Variants in DGCR2 observed in about 807,000 individuals in gnomAD.
The protein encoded by DGCR2 is integral membrane protein DGCR2/IDD.
A neutral mutation model predicts 51.6 loss-of-function variants in DGCR2; 24 were observed. That is an observed-to-expected ratio of 0.47 (90% CI 0.34 to 0.65). The LOEUF (loss-of-function observed/expected upper bound fraction) is 0.65. Ranked by LOEUF, DGCR2 falls within the 30% of genes least tolerant of loss-of-function variation. DGCR2 has a pLI of 0.01. For missense variants in DGCR2, 765 were observed against 772.1 expected (o/e 0.99, Z 0.11); for synonymous variants, 340 against 315.4 (o/e 1.08, Z -0.82).
intron 1 of DGCR2, among the ~76,000 whole-genome samples, chr22:19,105,395 T>C (rs1319680526): frequency 6.6e-6 from 1 of 152,128 alleles, no homozygotes; most frequent in African/African-American, 2.4e-5. Context: ...AGAGGGCATA[T>C]TGCTCGGTGA....
chr22:19,086,279 G>A (rs903535000), intron 2 of DGCR2, among the ~76,000 whole-genome samples: 3 of 151,950 alleles, frequency 2.0e-5, no homozygotes, highest in South Asian at 2.1e-4. Context: ...AGATCGAGAC[G>A]ATCCTGACTA....
At chr22:19,108,124 C>T (rs557024275) in intron 1 of DGCR2, among the ~76,000 whole-genome samples, 5 of 152,254 alleles carry the variant, frequency 3.3e-5, no homozygotes, top group African/African-American at 1.2e-4. Flanking sequence ...CCCCACGAAG[C>T]TCAGATTTTA....
chr22:19,071,388 C>T (rs1022492301), intron 2 of DGCR2, among the ~76,000 whole-genome samples: 9 of 152,158 alleles, frequency 5.9e-5, no homozygotes, highest in African/African-American at 2.2e-4. Context: ...GAAATATTCA[C>T]AATAGTGATC....
chr22:19,057,181 G>C lies in DGCR2; in HGVS notation c.626-19C>G. The C allele has an allele frequency of 6.3e-7, 1 of 1,584,920 alleles. No homozygotes were observed. The highest frequency in any genetic ancestry group is 8.6e-7 in the Non-Finnish European group (1 of 1,165,150). On this transcript the variant is annotated intron_variant, in intron 5 of 9. Transcript: ENST00000263196. This position sits in a 1 kb window ranked among gnomAD's most constrained non-coding sequence, Gnocchi z 5.1. ...GAAGAGCCTGTTGGGGAGACAAAAG[G>C]TGGGGCTGGACAACATCACATCAGA...
At chr22:19,119,435 T>C (rs769128761) in intron 1 of DGCR2, among the ~76,000 whole-genome samples, 10 of 151,978 alleles carry the variant, frequency 6.6e-5, no homozygotes, top group Non-Finnish European at 1.5e-4. Flanking sequence ...CAAGTTCAAA[T>C]GTGCACTTAA....
chr22:19,103,724 G>A (rs1158795953), intron 1 of DGCR2, among the ~76,000 whole-genome samples: 8 of 130,346 alleles, frequency 6.1e-5, no homozygotes, highest in East Asian at 4.7e-4. Flanking sequence ...CACCGTGCCC[G>A]GCCAAAAAAA....
intron 2 of DGCR2, among the ~76,000 whole-genome samples, chr22:19,081,967 T>TA (rs2082940884): frequency 6.6e-6 from 1 of 152,170 alleles, no homozygotes; most frequent in African/African-American, 2.4e-5. Context: ...TGAATTAGAA[T>TA]CCTTATCCTT....
chr22:19,062,950 G>C lies in DGCR2; in HGVS notation c.625+252C>G, dbSNP rs548391005. ...GGTCTTTAACTTCAAAAGGAGGCGG[G>C]GGACAATCTAGAAAGCTGGCCAAAG... On this transcript the variant is annotated intron_variant, in intron 5 of 9. Transcript: ENST00000263196. 2.6e-5 allele frequency among the ~76,000 whole-genome samples: 4 copies of C among 152,162 alleles called. No individual in the cohort carries two copies. In the East Asian group the frequency reaches 7.7e-4, roughly 29 times the overall value.
chr22:19,080,846 T>G (rs972414281), intron 2 of DGCR2, among the ~76,000 whole-genome samples: 1 of 151,990 alleles, frequency 6.6e-6, no homozygotes, highest in African/African-American at 2.4e-5. Flanking sequence ...AAAAAAGAAA[T>G]GAAACCCCAC....
Position 19,048,570 on chromosome 22 carries a change from T to G in DGCR2, c.876A>C (p.Pro292=). The G allele has an allele frequency of 6.2e-7, 1 of 1,614,236 alleles. No homozygotes were observed. The highest frequency in any genetic ancestry group is 8.5e-7 in the Non-Finnish European group (1 of 1,180,040). Residue 292 remains proline (P), a synonymous_variant, in exon 7 of 10, where the codon CCA becomes CCC. Coordinates refer to ENST00000263196, the MANE Select transcript of DGCR2 (RefSeq NM_005137.3). The part of the protein sequence containing the change: ...GFYFTPKGDD[P]CLSCTCHGGE... ...CTCCATGGCAGGTGCAGCTCAGGCA[T>G]GGGTCGTCCCCCTTAGGGGTGAAGT...
chr22:19,042,513 G>C (rs2082444029), intron 7 of DGCR2, among the ~76,000 whole-genome samples: 1 of 152,266 alleles, frequency 6.6e-6, no homozygotes, highest in African/African-American at 2.4e-5. Flanking sequence ...GGGTTGGCCA[G>C]GTAGGCAGGG....
chr22:19,055,041 G>A (rs1300318304), intron 6 of DGCR2, among the ~76,000 whole-genome samples: 1 of 152,132 alleles, frequency 6.6e-6, no homozygotes, highest in East Asian at 1.9e-4. Context: ...GCCTGAACCC[G>A]GGAGGCAGAG....
chr22:19,106,457 G>C (rs1385643044), intron 1 of DGCR2, among the ~76,000 whole-genome samples: 1 of 152,106 alleles, frequency 6.6e-6, no homozygotes, highest in Non-Finnish European at 1.5e-5. Context: ...CTGGAGGCCT[G>C]AGCATCCTCT....
chr22:19,076,510 T>C (rs1272971581), intron 2 of DGCR2, among the ~76,000 whole-genome samples: 1 of 152,062 alleles, frequency 6.6e-6, no homozygotes, highest in Non-Finnish European at 1.5e-5. Flanking sequence ...ACTGTTTTAG[T>C]AGCTGCACCA....
Position 19,057,267 on chromosome 22 carries a change from C to T in DGCR2, c.626-105G>A, listed in dbSNP as rs2082614437. On this transcript the variant is annotated intron_variant, in intron 5 of 9. Coordinates refer to ENST00000263196, the MANE Select transcript of DGCR2 (RefSeq NM_005137.3). This position sits in a 1 kb window ranked among gnomAD's most constrained non-coding sequence, Gnocchi z 5.1. ...TCAGACAGGATCATCAACCACAGGG[C>T]CTGGACCGCCAAGTACTGGTGGTCA... is the stretch of plus-strand genomic sequence containing the variant. 1 of 1,260,530 alleles carries T rather than the reference C, an allele frequency of 7.9e-7. No homozygotes were observed. The highest frequency in any genetic ancestry group is 1.5e-5 in the African/African-American group (1 of 66,260). The allele number at this position is 1,260,530 out of a possible 1,614,324, so 78.1% of individuals were successfully genotyped here.
At chr22:19,062,492 T>C (rs943146626) in intron 5 of DGCR2, among the ~76,000 whole-genome samples, 1 of 152,168 alleles carries the variant, frequency 6.6e-6, no homozygotes, top group South Asian at 2.1e-4. Context: ...GGGATGTGTT[T>C]ACGAAAAGAA....
chr22:19,041,097 C>T lies in DGCR2; in HGVS notation c.1357G>A (p.Ala453Thr), dbSNP rs780178828. The change falls in exon 9 of 10, where the codon GCC becomes ACC. Residue 453 changes from alanine (A) to threonine (T), a missense_variant. Around this residue, in one of 3 missense-constraint regions of DGCR2, gnomAD observed 205 missense variants for 181.4 expected, o/e 1.13. Coordinates refer to ENST00000263196, the MANE Select transcript of DGCR2 (RefSeq NM_005137.3). Reference protein sequence around the residue: ...QPDDPPPPYEASIHPDSVFYD... With the variant: ...QPDDPPPPYETSIHPDSVFYD... The stretch of plus-strand genomic sequence containing the variant: ...AACACACTGTCCGGGTGGATGGAGG[C>T]CTCGTAGGGCGGCGGAGGGTCGTCG... 2 of 1,612,026 alleles carry T rather than the reference C, an allele frequency of 1.2e-6. No individual in the cohort carries two copies. The highest frequency in any genetic ancestry group is 3.3e-5 in the Admixed American group (2 of 59,924).
chr22:19,073,335 C>T (rs1239732175), intron 2 of DGCR2, among the ~76,000 whole-genome samples: 2 of 151,986 alleles, frequency 1.3e-5, no homozygotes, highest in Non-Finnish European at 2.9e-5. Flanking sequence ...TTATAGAAAC[C>T]TACTAAAAGT....
intron 2 of DGCR2, among the ~76,000 whole-genome samples, chr22:19,080,129 C>T (rs186035277): frequency 7.1e-4 from 108 of 152,332 alleles, no homozygotes; most frequent in Non-Finnish European, 1.1e-3. Context: ...TGGCTGCTGA[C>T]ATCTGGAGAG....
Sources: gnomAD v4.1 joint callset for allele counts (sites outside exome capture counted in the v4.1 genomes callset) on GRCh38, gnomAD v4.1.1 for gene constraint, gnomAD v4.1.1 regional missense constraint, Gnocchi (gnomAD v3.1) non-coding constraint, MANE v1.5 for transcripts, NCBI Gene and HGNC (gene_info 2026-07-23, HGNC 2026-07-21) for gene names.